The following RALGAPA2 variants were observed in gnomAD, a reference collection of about 807,000 sequenced individuals.
RALGAPA2 encodes the protein ral GTPase-activating protein subunit alpha-2.
RALGAPA2 carries 139 observed loss-of-function variants against 230.4 expected under a neutral mutation model. The observed-to-expected ratio is 0.60, with a 90% CI of 0.53 to 0.69. The LOEUF (loss-of-function observed/expected upper bound fraction) is 0.69. Among genes scored for constraint, RALGAPA2 ranks in the 30% least tolerant of loss-of-function variants. RALGAPA2 has a pLI of 0.00. For synonymous variants in RALGAPA2, 847 were observed against 837.8 expected (o/e 1.01, Z -0.19); for missense variants, 2,163 against 2,276.0 (o/e 0.95, Z 1.01).
intron 23 of RALGAPA2, among the ~76,000 whole-genome samples, chr20:20,565,168 A>G (rs2064374582): frequency 6.6e-6 from 1 of 152,246 alleles, no homozygotes; most frequent in Non-Finnish European, 1.5e-5. Flanking sequence ...AATTATTTCC[A>G]GGGATTTGAG....
intron 31 of RALGAPA2, 74 bp downstream of exon 31, chr20:20,520,843 T>A: frequency 1.6e-6 from 2 of 1,246,264 alleles, no homozygotes; most frequent in Non-Finnish European, 2.1e-6. Flanking sequence ...TAAAAAAAAA[T>A]AGAGCAAGCA....
At chr20:20,559,909 T>A (rs1243080251) in intron 23 of RALGAPA2, among the ~76,000 whole-genome samples, 1 of 152,196 alleles carries the variant, frequency 6.6e-6, no homozygotes, top group Non-Finnish European at 1.5e-5. Flanking sequence ...ATTTTGTAAA[T>A]TCCAAAGTTC....
intron 38 of RALGAPA2, among the ~76,000 whole-genome samples, chr20:20,407,468 C>G (rs1025201359): frequency 6.6e-6 from 1 of 152,166 alleles, no homozygotes; most frequent in Non-Finnish European, 1.5e-5. Flanking sequence ...GGACTGCATG[C>G]GGAATGACGA....
At chr20:20,462,053 C>T (rs1276081275) in intron 37 of RALGAPA2, among the ~76,000 whole-genome samples, 2 of 152,096 alleles carry the variant, frequency 1.3e-5, no homozygotes, top group Non-Finnish European at 2.9e-5. Flanking sequence ...CTTTTATATC[C>T]TAGGACCAAA....
At chr20:20,679,636 T>A (rs1446876534) in intron 2 of RALGAPA2, among the ~76,000 whole-genome samples, 1 of 152,106 alleles carries the variant, frequency 6.6e-6, no homozygotes, top group Admixed American at 6.5e-5. Context: ...GCATTTCCCA[T>A]ACATGTCGTA....
chr20:20,511,917 G>A (rs148593302), intron 32 of RALGAPA2, among the ~76,000 whole-genome samples: 92 of 152,166 alleles, frequency 6.0e-4, no homozygotes, highest in African/African-American at 2.1e-3. Context: ...TCAGCCAGGC[G>A]CAGTTGCTCA....
rs947125055 is a variant in RALGAPA2 at position 20,712,438 on chromosome 20, G to A, written c.43C>T (p.Gln15Ter). The A allele has an allele frequency of 3.9e-6, 6 of 1,555,410 alleles. No individual in the cohort carries two copies. Among genetic ancestry groups the A allele is most frequent in the Non-Finnish European group, 5.2e-6 (6 of 1,148,972 alleles). The change falls in exon 1 of 40, where the codon CAG becomes TAG. Residue 15 changes from glutamine (Q) to a stop codon, truncating the protein, a stop_gained. Transcript: ENST00000202677. LOFTEE classifies it high-confidence loss of function. The surrounding 1 kb of genome is among the most constrained non-coding windows in gnomAD (Gnocchi z 5.5). ...RSHGDVKKST[Q>*]KVLDPKKDVL... The stretch of plus-strand genomic sequence containing the variant: ...TCCTTCTTCGGGTCCAGCACCTTCT[G>A]GGTGGACTTCTTCACATCCCCGTGG...
chr20:20,496,285 CAGG>C (rs2062201971), intron 35 of RALGAPA2, among the ~76,000 whole-genome samples: 1 of 152,230 alleles, frequency 6.6e-6, no homozygotes, highest in East Asian at 1.9e-4. Context: ...CAGGCTCTGT[CAGG>C]TGTAAGAACA....
chr20:20,481,424 G>A (rs1056201619), intron 36 of RALGAPA2, among the ~76,000 whole-genome samples: 2 of 152,138 alleles, frequency 1.3e-5, no homozygotes, highest in Admixed American at 6.5e-5. Context: ...TGGGCCTACC[G>A]AGAGGCAGGC....
At chr20:20,563,698 T>G (rs1419647110) in intron 23 of RALGAPA2, among the ~76,000 whole-genome samples, 1 of 152,160 alleles carries the variant, frequency 6.6e-6, no homozygotes, top group Non-Finnish European at 1.5e-5. Context: ...TCAATTCATC[T>G]TCTTGCCTTT....
At chr20:20,401,181 A>C (rs1463951994) in intron 38 of RALGAPA2, among the ~76,000 whole-genome samples, 5 of 152,234 alleles carry the variant, frequency 3.3e-5, no homozygotes, top group African/African-American at 1.2e-4. Context: ...CAGTATGTGA[A>C]TTAGATCTCA....
chr20:20,392,841 A>C lies in RALGAPA2; in HGVS notation c.*448T>G, dbSNP rs2122579937. On this transcript the variant is annotated 3_prime_UTR_variant, in exon 40 of 40. Coordinates refer to ENST00000202677, the MANE Select transcript of RALGAPA2 (RefSeq NM_020343.4). ...AATCATGCTTGGGTTCATAAATGAG[A>C]AGAAACAACTTGGGGTGCAGAAGCA... 1 of 242,484 alleles carries C rather than the reference A, an allele frequency of 4.1e-6. No homozygotes were observed. Among genetic ancestry groups the C allele is most frequent in the Middle Eastern group, 1.6e-3 (1 of 608 alleles). 15.0% of individuals were successfully genotyped at this position (242,484 alleles called of 1,614,324 possible).
intron 23 of RALGAPA2, among the ~76,000 whole-genome samples, chr20:20,558,161 C>T (rs1301321152): frequency 4.6e-5 from 7 of 152,184 alleles, no homozygotes; most frequent in African/African-American, 1.4e-4. Flanking sequence ...TCCGCCACTA[C>T]GCCCGGCTAA....
intron 19 of RALGAPA2, among the ~76,000 whole-genome samples, chr20:20,584,491 C>A (rs192863421): frequency 3.3e-5 from 5 of 152,242 alleles, no homozygotes; most frequent in African/African-American, 1.2e-4. Flanking sequence ...AAGAAGGTCC[C>A]ATTTCACAAC....
chr20:20,680,076 A>G (rs2068466751), intron 2 of RALGAPA2, among the ~76,000 whole-genome samples: 1 of 152,222 alleles, frequency 6.6e-6, no homozygotes, highest in African/African-American at 2.4e-5. Context: ...GGAGGAAGCC[A>G]GCTCAGAGAC....
chr20:20,655,408 G>A (rs6046980), intron 3 of RALGAPA2, among the ~76,000 whole-genome samples: 34 of 152,168 alleles, frequency 2.2e-4, no homozygotes, highest in African/African-American at 6.5e-4. Context: ...ACCTCAGCAG[G>A]GGCTTCATGG....
At chr20:20,657,152 C>A (rs1475348880) in intron 3 of RALGAPA2, among the ~76,000 whole-genome samples, 2 of 152,224 alleles carry the variant, frequency 1.3e-5, no homozygotes, top group African/African-American at 4.8e-5. Context: ...TGAGGACTAA[C>A]ACCTGTGAAA....
intron 39 of RALGAPA2, 117 bp downstream of exon 39, chr20:20,396,578 C>T: frequency 2.1e-6 from 2 of 953,060 alleles, no homozygotes; most frequent in Non-Finnish European, 3.1e-6. Context: ...AGGGGAAGGC[C>T]CAGGAGGGCG....
At chr20:20,571,756 A>G in intron 22 of RALGAPA2, 92 bp downstream of exon 22, 2 of 1,464,484 alleles carry the variant, frequency 1.4e-6, no homozygotes, top group Non-Finnish European at 1.9e-6. Context: ...CCTGTCTTCA[A>G]AACATGCAGT....
Sources: allele counts gnomAD v4.1 joint callset (sites outside exome capture counted in the v4.1 genomes callset), GRCh38; gene constraint gnomAD v4.1.1; non-coding constraint Gnocchi (gnomAD v3.1); transcripts MANE v1.5; gene names NCBI Gene and HGNC (gene_info 2026-07-23, HGNC 2026-07-21).